Variants in FXR1 observed in about 807,000 individuals in gnomAD.
The protein encoded by FXR1 is RNA-binding protein FXR1.
Under a neutral mutation model 84.0 loss-of-function variants are expected in FXR1, and 15 were observed. That is an observed-to-expected ratio of 0.18 (90% CI 0.12 to 0.27). FXR1 has a LOEUF of 0.27. Ranked by LOEUF, FXR1 falls within the 10% of genes least tolerant of loss-of-function variation. The pLI, the probability that FXR1 is intolerant of heterozygous loss-of-function variation, is 1.00. For synonymous variants in FXR1, 245 were observed against 250.7 expected (o/e 0.98, Z 0.21); for missense variants, 480 against 774.4 (o/e 0.62, Z 4.51).
At chr3:180,927,731 C>A in intron 1 of FXR1, 1 of 442,560 alleles carries the variant, frequency 2.3e-6, no homozygotes, top group South Asian at 5.4e-5. Context: ...AAGAGAAAAG[C>A]GAAGTTCAGA....
At position 180,939,219 on chromosome 3, in the gene FXR1, T is replaced by G. The variant is rs115167185; in HGVS notation, c.198+3988T>G. On this transcript the variant is annotated intron_variant, in intron 3 of 16. Transcript: ENST00000357559. ...ACTTTTACATTTTTAAATTATGTTT[T>G]CTACATCTGCTTCCCTGCACTATTT... Among the ~76,000 whole-genome samples the G allele has an allele frequency of 6.0e-3, 907 of 152,278 alleles. 12 individuals carry two copies. The highest frequency in any genetic ancestry group is 0.021 in the African/African-American group (880 of 41,542).
intron 3 of FXR1, among the ~76,000 whole-genome samples, chr3:180,946,318 A>G (rs2108462337): frequency 6.6e-6 from 1 of 152,358 alleles, no homozygotes; most frequent in African/African-American, 2.4e-5. Flanking sequence ...ATAGCTGAGA[A>G]TAACTGATGA....
intron 1 of FXR1, among the ~76,000 whole-genome samples, chr3:180,928,579 A>G (rs902845794): frequency 6.6e-6 from 1 of 151,606 alleles, no homozygotes; most frequent in Middle Eastern, 3.2e-3. Context: ...TAAATTTTGT[A>G]TTTATATTTA....
chr3:180,940,868 G>A (rs1022629504), intron 3 of FXR1, among the ~76,000 whole-genome samples: 1 of 152,070 alleles, frequency 6.6e-6, no homozygotes, highest in East Asian at 1.9e-4. Flanking sequence ...GAGCCACCAC[G>A]CGCAGCCCTG....
chr3:180,931,026 C>CAAAAAAAAAAAAAAAAAAAAAAA (rs57731098), intron 1 of FXR1, among the ~76,000 whole-genome samples: 4 of 55,630 alleles, frequency 7.2e-5, no homozygotes, highest in Admixed American at 2.7e-4. Context: ...GAGACTGCCT[C>CAAAAAAAAAAAAAAAAAAAAAAA]AAAAAAAAAA....
At chr3:180,937,225 G>C (rs373026633) in intron 3 of FXR1, among the ~76,000 whole-genome samples, 1 of 152,150 alleles carries the variant, frequency 6.6e-6, no homozygotes, top group Non-Finnish European at 1.5e-5. Flanking sequence ...TGTAGGTTTG[G>C]ACATGTTCTA....
intron 3 of FXR1, among the ~76,000 whole-genome samples, chr3:180,947,375 G>C (rs1721810522): frequency 6.6e-6 from 1 of 152,178 alleles, no homozygotes; most frequent in African/African-American, 2.4e-5. Context: ...GATACTTAAT[G>C]TATTCTGCTA....
chr3:180,925,092 G>A lies in FXR1; in HGVS notation c.52-8242G>A, dbSNP rs1719010655. On this transcript the variant is annotated intron_variant, in intron 1 of 16. Transcript: ENST00000357559. Reference sequence around the variant, plus strand: ...TAAAAGGGCTCTCCTGGCCGGGCGCGATGGCTCACGCCTGTAATCCCAGCA... The same window carrying A: ...TAAAAGGGCTCTCCTGGCCGGGCGCAATGGCTCACGCCTGTAATCCCAGCA... 3.9e-5 allele frequency among the ~76,000 whole-genome samples: 6 copies of A among 152,158 alleles called. No individual in the cohort carries two copies. The South Asian group carries it at 1.2e-3, about 32-fold the overall frequency.
chr3:180,951,834 C>T (rs1338573552), intron 8 of FXR1, among the ~76,000 whole-genome samples: 2 of 152,128 alleles, frequency 1.3e-5, no homozygotes, highest in African/African-American at 4.8e-5. Flanking sequence ...TTTTCTAGAA[C>T]TTGAGTTTGT....
chr3:180,931,172 TAATA>T (rs1488883723), intron 1 of FXR1, among the ~76,000 whole-genome samples: 1 of 152,082 alleles, frequency 6.6e-6, no homozygotes, highest in African/African-American at 2.4e-5. Flanking sequence ...GAGGATTAAT[TAATA>T]AATATCTCCA....
chr3:180,935,890 T>C (rs1483783306), intron 3 of FXR1, among the ~76,000 whole-genome samples: 1 of 151,248 alleles, frequency 6.6e-6, no homozygotes, highest in Non-Finnish European at 1.5e-5. Context: ...CATTTTATTT[T>C]ATTTTATTTA....
At chr3:180,917,947 CAAAAAAAAAAAA>C (rs757826092) in intron 1 of FXR1, among the ~76,000 whole-genome samples, 1 of 61,000 alleles carries the variant, frequency 1.6e-5, no homozygotes, top group East Asian at 5.9e-4. Context: ...ACTCTGTCTC[CAAAAAAAAAAAA>C]AAAAAAAAAA....
At chr3:180,934,823 T>C (rs542987254) in intron 2 of FXR1, among the ~76,000 whole-genome samples, 55 of 152,356 alleles carry the variant, frequency 3.6e-4, no homozygotes, top group Non-Finnish European at 6.9e-4. Flanking sequence ...TGAACTTAGC[T>C]TATTTCATTT....
At chr3:180,930,864 G>C (rs1719801848) in intron 1 of FXR1, among the ~76,000 whole-genome samples, 1 of 151,660 alleles carries the variant, frequency 6.6e-6, no homozygotes, top group African/African-American at 2.4e-5. Context: ...GCAAAACTCT[G>C]TCTCTACTAA....
At chr3:180,943,425 C>G (rs1169759765) in intron 3 of FXR1, among the ~76,000 whole-genome samples, 2 of 151,494 alleles carry the variant, frequency 1.3e-5, no homozygotes, top group East Asian at 1.9e-4. Context: ...CACCACCATG[C>G]CCAGCTAATT....
intron 1 of FXR1, among the ~76,000 whole-genome samples, chr3:180,928,739 A>G (rs1210887077): frequency 1.3e-5 from 2 of 152,014 alleles, no homozygotes; most frequent in African/African-American, 4.8e-5. Flanking sequence ...TACATGTAGA[A>G]GGCTAATGGA....
chr3:180,920,009 G>A (rs1181100876), intron 1 of FXR1, among the ~76,000 whole-genome samples: 1 of 152,132 alleles, frequency 6.6e-6, no homozygotes, highest in Non-Finnish European at 1.5e-5. Context: ...TAACTTGCCT[G>A]CCATTCTCTA....
chr3:180,931,111 A>C (rs1203142318), intron 1 of FXR1, among the ~76,000 whole-genome samples: 3 of 151,378 alleles, frequency 2.0e-5, no homozygotes, highest in African/African-American at 7.3e-5. Context: ...TAGCATGGTC[A>C]GATAATCAGA....
chr3:180,926,506 A>ATATATATATATATATATTTTTT (rs72192827), intron 1 of FXR1, among the ~76,000 whole-genome samples: 1 of 124,394 alleles, frequency 8.0e-6, no homozygotes, highest in African/African-American at 2.9e-5. Flanking sequence ...ATATATATAT[A>ATATATATATATATATATTTTTT]TTTTTTTTTC....
Sources: allele counts gnomAD v4.1 joint callset (sites outside exome capture counted in the v4.1 genomes callset), GRCh38; gene constraint gnomAD v4.1.1; transcripts MANE v1.5; gene names NCBI Gene and HGNC (gene_info 2026-07-23, HGNC 2026-07-21).